The following MVB12A variants were observed in gnomAD, a reference collection of about 807,000 sequenced individuals.
The protein encoded by MVB12A is CIN85/CD2AP family binding protein.
MVB12A carries 30 observed loss-of-function variants against 34.3 expected under a neutral mutation model. The ratio of observed to expected loss-of-function variants is 0.88; its 90% confidence interval spans 0.65 to 1.19. The LOEUF (loss-of-function observed/expected upper bound fraction) is 1.19, where lower values mean the gene tolerates loss of function less well. Among genes scored for constraint, MVB12A ranks in the 50% most tolerant of loss-of-function variants. The pLI is 0.00. For missense variants in MVB12A, 355 were observed against 369.2 expected (o/e 0.96, Z 0.31); for synonymous variants, 158 against 158.9 (o/e 0.99, Z 0.04).
At chr19:17,411,074 T>C (rs1043101298) in intron 2 of MVB12A, among the ~76,000 whole-genome samples, 15 of 150,664 alleles carry the variant, frequency 1.0e-4, no homozygotes, top group African/African-American at 3.7e-4. Context: ...ATTCAAGCAA[T>C]TCTCCTGCCT....
Position 17,420,535 on chromosome 19 carries a change from C to A in MVB12A, c.190-3C>A, listed in dbSNP as rs756712902. The A allele has an allele frequency of 6.2e-7, 1 of 1,612,880 alleles. No homozygotes were observed. The highest frequency in any genetic ancestry group is 1.3e-5 in the African/African-American group (1 of 74,910). Reference sequence around the variant, plus strand: ...CCTCGCCGTGTCCCCCTTCCACCCCCAGAACCCGCAGGAGAACGTGGTGGC... The same window carrying A: ...CCTCGCCGTGTCCCCCTTCCACCCCAAGAACCCGCAGGAGAACGTGGTGGC... On this transcript the variant is annotated splice_region_variant and splice_polypyrimidine_tract_variant and intron_variant, in intron 2 of 8. Coordinates refer to ENST00000317040, the MANE Select transcript of MVB12A (RefSeq NM_138401.4).
chr19:17,423,832 A>G, intron 6 of MVB12A, 33 bp downstream of exon 6: 2 of 1,603,122 alleles, frequency 1.2e-6, no homozygotes, highest in Non-Finnish European at 1.7e-6. Context: ...GAGGCGTGGA[A>G]GTGGAGGGTG....
chr19:17,422,282 C>G (rs765931982), intron 3 of MVB12A, 50 bp from the exon 4 acceptor site: 1 of 1,569,960 alleles, frequency 6.4e-7, no homozygotes, highest in South Asian at 1.2e-5. Flanking sequence ...TTTGGGCCTT[C>G]CCACCCCTGC....
Position 17,424,616 on chromosome 19 carries a change from G to C in MVB12A, c.703-5G>C. 1 of 1,611,228 alleles carries C rather than the reference G, an allele frequency of 6.2e-7. No homozygotes were observed. Among genetic ancestry groups the C allele is most frequent in the African/African-American group, 1.3e-5 (1 of 74,936 alleles). ...GCCCAAGGCTGACCCACCTCTGCCC[G>C]CCAGGCCTTCTCTGCTTTTGGGGAC... On this transcript the variant is annotated splice_polypyrimidine_tract_variant and splice_region_variant and intron_variant, in intron 7 of 8. Transcript: ENST00000317040.
chr19:17,423,820 C>G (rs1258583189), intron 6 of MVB12A, 21 bp downstream of exon 6: 1 of 1,609,756 alleles, frequency 6.2e-7, no homozygotes, highest in African/African-American at 1.3e-5. Context: ...AGTGGGGAAA[C>G]TGAGGCGTGG....
Position 17,420,324 on chromosome 19 carries a change from C to G in MVB12A, c.102C>G (p.Thr34=). 1 of 1,610,520 alleles carries G rather than the reference C, an allele frequency of 6.2e-7. No individual in the cohort carries two copies. The highest frequency in any genetic ancestry group is 8.5e-7 in the Non-Finnish European group (1 of 1,178,718). Reference sequence around the variant, plus strand: ...CGTCCTCCCGGTAGATCTCCTGCACCGTCGAGGGGGCACCCGCCAGCTTTG... The same window carrying G: ...CGTCCTCCCGGTAGATCTCCTGCACGGTCGAGGGGGCACCCGCCAGCTTTG... ...PPRGFSAISC[T]VEGAPASFGK... is the part of the protein sequence containing the mutation. Residue 34 remains threonine (T), a synonymous_variant, in exon 2 of 9, where the codon ACC becomes ACG. Coordinates refer to ENST00000317040, the MANE Select transcript of MVB12A (RefSeq NM_138401.4).
intron 4 of MVB12A, 127 bp downstream of exon 4, chr19:17,422,585 G>T: frequency 2.2e-6 from 2 of 909,250 alleles, no homozygotes; most frequent in Non-Finnish European, 3.2e-6. Flanking sequence ...CTCAGATTCT[G>T]CATGTTAAAA....
chr19:17,423,359 C>CA, intron 4 of MVB12A, 139 bp from the exon 5 acceptor site: 1 of 1,052,004 alleles, frequency 9.5e-7, no homozygotes, highest in Non-Finnish European at 1.4e-6. Context: ...AACTCCGTCC[C>CA]CAAAAAAAAA....
intron 3 of MVB12A, among the ~76,000 whole-genome samples, chr19:17,421,602 A>G (rs1221765999): frequency 1.3e-5 from 2 of 152,220 alleles, no homozygotes; most frequent in East Asian, 1.9e-4. Flanking sequence ...TTTTTTTACA[A>G]TTCCTTAAAA....
chr19:17,409,240 T>C (rs1288505451), intron 2 of MVB12A, among the ~76,000 whole-genome samples: 101 of 137,686 alleles, frequency 7.3e-4, no homozygotes, highest in East Asian at 2.9e-3. Flanking sequence ...AAGTGATTCT[T>C]CTGCCTCAGC....
At chr19:17,424,203 CA>C (rs1307653530) in intron 7 of MVB12A, 136 bp downstream of exon 7, 1 of 819,684 alleles carries the variant, frequency 1.2e-6, no homozygotes, top group East Asian at 2.6e-5. Flanking sequence ...CTCCAGGTGG[CA>C]GCTGGAAGGT....
At chr19:17,424,532 T>G in intron 7 of MVB12A, 89 bp from the exon 8 acceptor site, 1 of 1,330,708 alleles carries the variant, frequency 7.5e-7, no homozygotes, top group Non-Finnish European at 1.1e-6. Context: ...TCGGGGAGTG[T>G]TGGGGGGAGG....
At chr19:17,411,075 TCTC>T (rs762376367) in intron 2 of MVB12A, among the ~76,000 whole-genome samples, 5 of 151,032 alleles carry the variant, frequency 3.3e-5, no homozygotes, top group African/African-American at 4.9e-5. Context: ...TTCAAGCAAT[TCTC>T]CTGCCTCAGC....
At chr19:17,408,708 A>G (rs1203539801) in intron 2 of MVB12A, among the ~76,000 whole-genome samples, 2 of 151,130 alleles carry the variant, frequency 1.3e-5, no homozygotes, top group African/African-American at 4.8e-5. Flanking sequence ...CAGCCTCCCA[A>G]AGTGCTGGGA....
At chr19:17,409,257 A>C (rs1436813672) in intron 2 of MVB12A, among the ~76,000 whole-genome samples, 1 of 150,892 alleles carries the variant, frequency 6.6e-6, no homozygotes, top group Non-Finnish European at 1.5e-5. Flanking sequence ...CAGCCTCCTG[A>C]GTAGCTGGGA....
intron 8 of MVB12A, 47 bp downstream of exon 8, chr19:17,424,724 G>A (rs373685980): frequency 4.5e-6 from 7 of 1,558,836 alleles, no homozygotes; most frequent in Middle Eastern, 1.8e-4. Context: ...TAGGGAGGAG[G>A]TGCCTGAGGG....
At chr19:17,413,734 A>G (rs2074783072) in intron 2 of MVB12A, among the ~76,000 whole-genome samples, 1 of 152,178 alleles carries the variant, frequency 6.6e-6, no homozygotes, top group Admixed American at 6.5e-5. Flanking sequence ...AATACAAACA[A>G]CAACAACTTT....
intron 3 of MVB12A, among the ~76,000 whole-genome samples, chr19:17,421,501 T>C (rs1307832033): frequency 6.6e-6 from 1 of 152,122 alleles, no homozygotes; most frequent in Admixed American, 6.6e-5. Flanking sequence ...TTTTCTTTAT[T>C]TTTTCTTAGA....
upstream of MVB12A, chr19:17,417,213 CTTTTTTTTTT>C (rs35583565): frequency 0.26 from 25,974 of 98,402 alleles, 2,977 homozygotes; most frequent in Middle Eastern, 0.43. Flanking sequence ...TCACCCAGAG[CTTTTTTTTTT>C]TTTTTTTTTT....
Sources: allele counts gnomAD v4.1 joint callset (sites outside exome capture counted in the v4.1 genomes callset), GRCh38; gene constraint gnomAD v4.1.1; transcripts MANE v1.5; gene names NCBI Gene and HGNC (gene_info 2026-07-23, HGNC 2026-07-21).